Variants in CDKN1B observed in about 807,000 individuals in gnomAD.
CDKN1B encodes cyclin-dependent kinase inhibitor 1B.
CDKN1B carries 7 observed loss-of-function variants against 17.1 expected under a neutral mutation model. The ratio of observed to expected loss-of-function variants is 0.41; its 90% CI spans 0.23 to 0.77. The LOEUF (loss-of-function observed/expected upper bound fraction) is 0.77, where lower values mean the gene tolerates loss of function less well. Ranked by LOEUF, CDKN1B falls within the 30% of genes least tolerant of loss-of-function variation. The pLI is 0.33. For synonymous variants in CDKN1B, 149 were observed against 104.3 expected (o/e 1.43, Z -2.61); for missense variants, 337 against 262.0 (o/e 1.29, Z -1.98).
rs1419927896 is a variant in CDKN1B, at chr12:12,718,950, G to A, written c.*4G>A. On this transcript the variant is annotated 3_prime_UTR_variant, in exon 2 of 3. Coordinates refer to ENST00000228872, the MANE Select transcript of CDKN1B (RefSeq NM_004064.5). ...CCTCAGAAGACGTCAAACGTAAACAGCTCGGTGGGTTGATCACTAAAGGAG... is the reference window on the plus strand; with the variant it reads ...CCTCAGAAGACGTCAAACGTAAACAACTCGGTGGGTTGATCACTAAAGGAG... 2 of 1,613,902 alleles carry A rather than the reference G, an allele frequency of 1.2e-6. No homozygotes were observed. Among genetic ancestry groups the A allele is most frequent in the South Asian group, 2.2e-5 (2 of 91,072 alleles).
At chr12:12,718,357 C>G in intron 1 of CDKN1B, 43 bp downstream of exon 1, 12 of 1,538,752 alleles carry the variant, frequency 7.8e-6, no homozygotes, top group African/African-American at 1.4e-5. Context: ...TGGGGCCCCG[C>G]TTTGCCTGCT....
rs188313143 is a variant in CDKN1B at position 12,719,113 on chromosome 12, C to T, written c.*8+159C>T. The T allele has an allele frequency of 1.0e-4, 83 of 806,200 alleles. No homozygotes were observed. The Admixed American group carries it at 1.1e-3, about 11-fold the overall frequency. 49.9% of individuals were successfully genotyped at this position (806,200 alleles called of 1,614,324 possible). On this transcript the variant is annotated intron_variant, in intron 2 of 2. Transcript: ENST00000228872. ...GTAGCAATGGGGAAGGCTGGGGATA[C>T]GGTAATTCCTCAGAGTTTCTATGCC...
In CDKN1B at chr12:12,718,269, T is replaced by G. The variant is rs1946499193; in HGVS notation, c.430T>G (p.Leu144Val). 1.2e-6 allele frequency: 2 copies of G among 1,608,336 alleles called. No individual in the cohort carries two copies. Among genetic ancestry groups the G allele is most frequent in the Non-Finnish European group, 1.7e-6 (2 of 1,179,980 alleles). The change falls in exon 1 of 3, where the codon TTA (leucine) becomes GTA (valine). Residue 144 changes from leucine to valine, a missense_variant. Physicochemically the swap from Leu to Val is conservative, Grantham distance 32. Coordinates refer to ENST00000228872, the MANE Select transcript of CDKN1B (RefSeq NM_004064.5). ...TGATCCGTCGGACAGCCAGACGGGG[T>G]TAGCGGAGCAATGCGCAGGAATAAG... is the stretch of plus-strand genomic sequence containing the variant. ...KTDPSDSQTG[L>V]AEQCAGIRKR...
rs765681672 is a variant in CDKN1B, at chr12:12,718,212, T to A, written c.373T>A (p.Ser125Thr). 7.1e-5 allele frequency: 114 copies of A among 1,612,974 alleles called. No individual in the cohort carries two copies. The South Asian group carries it at 1.2e-3, about 17-fold the overall frequency. The part of the protein sequence containing the change: ...AAPLIGAPAN[S>T]EDTHLVDPKT... ...GCCTTTAATTGGGGCTCCGGCTAAC[T>A]CTGAGGACACGCATTTGGTGGACCC... The change falls in exon 1 of 3, where the codon TCT becomes ACT. Residue 125 changes from serine (S) to threonine (T), a missense_variant. By Grantham distance (58) the Ser-to-Thr change is moderately conservative. Coordinates refer to ENST00000228872, the MANE Select transcript of CDKN1B (RefSeq NM_004064.5).
In CDKN1B at chr12:12,718,063, A is replaced by T. The variant is rs1565419420; in HGVS notation, c.224A>T (p.Glu75Val). ...QNHKPLEGKY[E>V]WQEVEKGSLP... is the part of the protein sequence containing the mutation. ...CACAAACCCCTAGAGGGCAAGTACG[A>T]GTGGCAAGAGGTGGAGAAGGGCAGC... The change falls in exon 1 of 3, where the codon GAG (glutamate) becomes GTG (valine). Residue 75 changes from glutamate to valine, a missense_variant. Physicochemically the swap from Glu to Val is moderately radical, Grantham distance 121. Transcript: ENST00000228872. 2 of 1,614,242 alleles carry T rather than the reference A, an allele frequency of 1.2e-6. No homozygotes were observed. The highest frequency in any genetic ancestry group is 1.7e-6 in the Non-Finnish European group (2 of 1,180,040).
At chr12:12,719,267 C>G in intron 2 of CDKN1B, 1 of 342,894 alleles carries the variant, frequency 2.9e-6, no homozygotes, top group South Asian at 2.9e-5. Flanking sequence ...TTTGCCCATC[C>G]GAACAAGAAC....
chr12:12,718,774 T>G (rs1946509585), intron 1 of CDKN1B, 51 bp from the exon 2 acceptor site: 1 of 1,611,272 alleles, frequency 6.2e-7, no homozygotes, highest in African/African-American at 1.3e-5. Context: ...CAGCCATTGT[T>G]TTTTCTAATA....
Position 12,722,153 on chromosome 12 carries a change from T to C in CDKN1B, c.*1126T>C, listed in dbSNP as rs1174601537. On this transcript the variant is annotated 3_prime_UTR_variant, in exon 3 of 3. Transcript: ENST00000228872. ...ATACTAACTTATTTATGTTAAAAGA[T>C]TTTTTTTAATCTAGACAATATACAA... 6.6e-6 allele frequency: 1 copy of C among 152,586 alleles called. No homozygotes were observed. 9.5% of individuals were successfully genotyped at this position (152,586 alleles called of 1,614,324 possible). A position where few individuals can be genotyped will look rare whatever the true frequency, so the allele number is the denominator to read the frequency against.
intron 2 of CDKN1B, among the ~76,000 whole-genome samples, chr12:12,720,429 C>T (rs1424681263): frequency 6.6e-6 from 1 of 151,952 alleles, no homozygotes; most frequent in Admixed American, 6.6e-5. Flanking sequence ...ATAAAATTTT[C>T]CTCTGGAAGG....
intron 1 of CDKN1B, among the ~76,000 whole-genome samples, chr12:12,718,560 A>G (rs1185783111): frequency 1.3e-5 from 2 of 151,862 alleles, no homozygotes; most frequent in African/African-American, 2.4e-5. Flanking sequence ...CTCACTAGCA[A>G]CTCCTAGGTA....
intron 2 of CDKN1B, 183 bp downstream of exon 2, chr12:12,719,137 C>A: frequency 1.5e-6 from 1 of 675,030 alleles, no homozygotes; most frequent in Non-Finnish European, 2.5e-6. Context: ...AGTTTCTATG[C>A]CCAGAGATAC....
Position 12,717,544 on chromosome 12 carries a change from C to T in CDKN1B, c.-296C>T. On this transcript the variant is annotated 5_prime_UTR_variant, in exon 1 of 3. Coordinates refer to ENST00000228872, the MANE Select transcript of CDKN1B (RefSeq NM_004064.5). ...GCGGGACCCGCGGGCTTGCACCCGCCCAGACTCGGACGGGCTTTGCCACCC... is the reference window on the plus strand; with the variant it reads ...GCGGGACCCGCGGGCTTGCACCCGCTCAGACTCGGACGGGCTTTGCCACCC... 1.4e-6 allele frequency: 2 copies of T among 1,401,222 alleles called. No homozygotes were observed. The highest frequency in any genetic ancestry group is 3.1e-5 in the South Asian group (2 of 65,466). The allele number at this position is 1,401,222 out of a possible 1,614,324, so 86.8% of individuals were successfully genotyped here.
Position 12,718,292 on chromosome 12 carries a change from A to G in CDKN1B, c.453A>G (p.Ile151Met). Residue 151 changes from isoleucine to methionine, a missense_variant, in exon 1 of 3, where the codon ATA (isoleucine) becomes ATG (methionine). Coordinates refer to ENST00000228872, the MANE Select transcript of CDKN1B (RefSeq NM_004064.5). ...GGTTAGCGGAGCAATGCGCAGGAAT[A>G]AGGAAGCGACCTGCAACCGACGGTA... ...QTGLAEQCAG[I>M]RKRPATDDSS... The G allele has an allele frequency of 6.2e-7, 1 of 1,604,406 alleles. No homozygotes were observed.
chr12:12,717,555 C>A lies in CDKN1B; in HGVS notation c.-285C>A. The A allele has an allele frequency of 7.1e-7, 1 of 1,406,668 alleles. No homozygotes were observed. Among genetic ancestry groups the A allele is most frequent in the South Asian group, 1.5e-5 (1 of 65,574 alleles). The allele number at this position is 1,406,668 out of a possible 1,614,324, so 87.1% of individuals were successfully genotyped here. A position where few individuals can be genotyped will look rare whatever the true frequency, so the allele number is the denominator to read the frequency against. The stretch of plus-strand genomic sequence containing the variant: ...GGGCTTGCACCCGCCCAGACTCGGA[C>A]GGGCTTTGCCACCCTCTCCGCTTGC... On this transcript the variant is annotated 5_prime_UTR_variant, in exon 1 of 3. Transcript: ENST00000228872.
chr12:12,721,004 C>T, intron 2 of CDKN1B, 32 bp from the exon 3 acceptor site: 1 of 635,522 alleles, frequency 1.6e-6, no homozygotes. Context: ...AGTGCTCTTC[C>T]TTTAATTCTT....
rs928467438 is a variant in CDKN1B at position 12,717,708 on chromosome 12, C to A, written c.-132C>A. ...AGCTCGGGCCGTGGCTCGTCGGGGTCTGTGTCTTTTGGCTCCGAGGGCAGT... is the reference window on the plus strand; with the variant it reads ...AGCTCGGGCCGTGGCTCGTCGGGGTATGTGTCTTTTGGCTCCGAGGGCAGT... On this transcript the variant is annotated 5_prime_UTR_variant, in exon 1 of 3. It adds an upstream start codon to the 5' untranslated region. Coordinates refer to ENST00000228872, the MANE Select transcript of CDKN1B (RefSeq NM_004064.5). 6.4e-7 allele frequency: 1 copy of A among 1,553,412 alleles called. No individual in the cohort carries two copies. The highest frequency in any genetic ancestry group is 8.6e-7 in the Non-Finnish European group (1 of 1,159,238).
rs769996423 is a variant in CDKN1B, at chr12:12,718,117, G to A, written c.278G>A (p.Arg93Gln). 14 of 1,614,042 alleles carry A rather than the reference G, an allele frequency of 8.7e-6. No individual in the cohort carries two copies. Among genetic ancestry groups the A allele is most frequent in the Non-Finnish European group, 9.3e-6 (11 of 1,180,040 alleles). Residue 93 changes from arginine (R) to glutamine (Q), a missense_variant, in exon 1 of 3, where the codon CGG becomes CAG. By Grantham distance (43) the Arg-to-Gln change is conservative. Coordinates refer to ENST00000228872, the MANE Select transcript of CDKN1B (RefSeq NM_004064.5). ...SLPEFYYRPP[R>Q]PPKGACKVPA... ...CCCGAGTTCTACTACAGACCCCCGC[G>A]GCCCCCCAAAGGTGCCTGCAAGGTG...
intron 2 of CDKN1B, 76 bp downstream of exon 2, chr12:12,719,030 C>T: frequency 6.3e-7 from 1 of 1,578,700 alleles, no homozygotes; most frequent in Non-Finnish European, 8.7e-7. Flanking sequence ...TTACTGGTTG[C>T]TGGCAAATTA....
At chr12:12,719,107 G>T (rs1219687174) in intron 2 of CDKN1B, 153 bp downstream of exon 2, 2 of 859,444 alleles carry the variant, frequency 2.3e-6, no homozygotes, top group Non-Finnish European at 3.6e-6. Context: ...GGGAAGGCTG[G>T]GGATACGGTA....
Sources: gnomAD v4.1 joint callset for allele counts (sites outside exome capture counted in the v4.1 genomes callset) on GRCh38, gnomAD v4.1.1 for gene constraint, MANE v1.5 for transcripts, NCBI Gene and HGNC (gene_info 2026-07-23, HGNC 2026-07-21) for gene names.